The following HS3ST5 variants were observed in gnomAD, a reference collection of about 807,000 sequenced individuals.
HS3ST5 encodes the protein heparan sulfate-glucosamine 3-sulfotransferase 5, also known as heparan sulfate glucosamine 3-O-sulfotransferase 5.
HS3ST5 carries 10 observed loss-of-function variants against 25.4 expected under a neutral mutation model. The observed-to-expected ratio is 0.39, with a 90% CI of 0.24 to 0.67. The LOEUF is 0.67. Ranked by LOEUF, HS3ST5 falls within the 30% of genes least tolerant of loss-of-function variation. HS3ST5 has a pLI of 0.44. For synonymous variants in HS3ST5, 170 were observed against 162.4 expected (o/e 1.05, Z -0.36); for missense variants, 324 against 420.7 (o/e 0.77, Z 2.01).
chr6:114,306,395 A>C (rs995898832), intron 1 of HS3ST5, among the ~76,000 whole-genome samples: 1 of 150,438 alleles, frequency 6.6e-6, no homozygotes, highest in African/African-American at 2.4e-5. Flanking sequence ...TATTACATAT[A>C]TATAATCTAT....
chr6:114,297,200 A>G (rs1774860631), intron 1 of HS3ST5, among the ~76,000 whole-genome samples: 1 of 151,956 alleles, frequency 6.6e-6, no homozygotes, highest in African/African-American at 2.4e-5. Context: ...ATTACTATAT[A>G]TGAGTGTTTT....
chr6:114,293,819 G>A (rs1197092360), intron 1 of HS3ST5, among the ~76,000 whole-genome samples: 1 of 152,158 alleles, frequency 6.6e-6, no homozygotes, highest in South Asian at 2.1e-4. Context: ...AAAGAAGAAA[G>A]AGCCTCAAAC....
intron 1 of HS3ST5, among the ~76,000 whole-genome samples, chr6:114,258,798 T>G (rs1773043089): frequency 6.6e-6 from 1 of 152,206 alleles, no homozygotes. Flanking sequence ...TGATCTCTCC[T>G]ACTCATGTTG....
At chr6:114,087,564 G>T (rs952891267) in intron 3 of HS3ST5, among the ~76,000 whole-genome samples, 2 of 152,150 alleles carry the variant, frequency 1.3e-5, no homozygotes, top group Admixed American at 1.3e-4. Flanking sequence ...CTTGTTTGTG[G>T]AATTGAGTGA....
intron 1 of HS3ST5, among the ~76,000 whole-genome samples, chr6:114,303,453 T>G (rs1171665282): frequency 2.3e-5 from 3 of 128,326 alleles, no homozygotes; most frequent in Non-Finnish European, 5.1e-5. Context: ...TATATCATAC[T>G]GTGTTTGCAT....
At chr6:114,253,297 C>G (rs188253740) in intron 1 of HS3ST5, among the ~76,000 whole-genome samples, 4 of 152,062 alleles carry the variant, frequency 2.6e-5, no homozygotes, top group Admixed American at 6.6e-5. Context: ...AGATATTTTG[C>G]GTATTTGGAT....
intron 1 of HS3ST5, among the ~76,000 whole-genome samples, chr6:114,316,060 A>G (rs967938991): frequency 6.6e-6 from 1 of 152,192 alleles, no homozygotes; most frequent in African/African-American, 2.4e-5. Context: ...CTTTTCATTC[A>G]TGCTGCAATC....
At chr6:114,093,358 TGTGTG>T (rs1775239020) in intron 3 of HS3ST5, among the ~76,000 whole-genome samples, 4 of 69,066 alleles carry the variant, frequency 5.8e-5, no homozygotes, top group South Asian at 4.1e-4. Flanking sequence ...TTTGTTTGTG[TGTGTG>T]TGTGTGTGTG....
At chr6:114,330,102 G>A (rs1472031921) in intron 1 of HS3ST5, among the ~76,000 whole-genome samples, 1 of 152,074 alleles carries the variant, frequency 6.6e-6, no homozygotes, top group Admixed American at 6.5e-5. Flanking sequence ...TTCCTTTGCT[G>A]AGAAAATTTA....
intron 1 of HS3ST5, among the ~76,000 whole-genome samples, chr6:114,276,432 A>G (rs1773855876): frequency 6.6e-6 from 1 of 151,926 alleles, no homozygotes; most frequent in East Asian, 1.9e-4. Flanking sequence ...TCGTAAGTGA[A>G]TAAGTATTCA....
At chr6:114,301,284 T>C (rs1298837165) in intron 1 of HS3ST5, among the ~76,000 whole-genome samples, 59 of 152,230 alleles carry the variant, frequency 3.9e-4, no homozygotes. Flanking sequence ...TCATCTTTGT[T>C]ATTTTTCTAG....
At chr6:114,321,352 A>G (rs1382106817) in intron 1 of HS3ST5, among the ~76,000 whole-genome samples, 6 of 151,968 alleles carry the variant, frequency 3.9e-5, no homozygotes, top group African/African-American at 1.5e-4. Flanking sequence ...TTTTTTCTTC[A>G]TTAATGCCAT....
rs549136395 is a variant in HS3ST5, at chr6:114,123,136, A to C, written c.-33+45215T>G. Among the ~76,000 whole-genome samples the C allele has an allele frequency of 3.3e-5, 5 of 152,308 alleles. No individual in the cohort carries two copies. In the East Asian group the frequency reaches 7.7e-4, roughly 24 times the overall value. ...ACCGGGCTAATTTTGTATTTTTAGT[A>C]GAGACGGGGTTTCTCCATGTTGGTC... On this transcript the variant is annotated intron_variant, in intron 3 of 4. Coordinates refer to ENST00000312719, the MANE Select transcript of HS3ST5 (RefSeq NM_153612.4).
intron 3 of HS3ST5, among the ~76,000 whole-genome samples, chr6:114,067,199 A>C (rs924302031): frequency 6.6e-6 from 1 of 152,106 alleles, no homozygotes; most frequent in Non-Finnish European, 1.5e-5. Flanking sequence ...TTTAGGGGAA[A>C]AATCCCAATA....
At chr6:114,261,891 G>A (rs1224481802) in intron 1 of HS3ST5, among the ~76,000 whole-genome samples, 2 of 152,184 alleles carry the variant, frequency 1.3e-5, no homozygotes, top group African/African-American at 4.8e-5. Flanking sequence ...CAGGCATGAT[G>A]CTGAATGAGG....
intron 1 of HS3ST5, among the ~76,000 whole-genome samples, chr6:114,280,880 A>G (rs1253416182): frequency 1.3e-5 from 2 of 152,018 alleles, no homozygotes; most frequent in Non-Finnish European, 2.9e-5. Flanking sequence ...TCATCGAACT[A>G]ACATTGCAAT....
chr6:114,088,391 TTC>T (rs1485680262), intron 3 of HS3ST5, among the ~76,000 whole-genome samples: 40 of 151,580 alleles, frequency 2.6e-4, no homozygotes, highest in African/African-American at 9.7e-4. Context: ...CTGGATGATC[TTC>T]TCTTTTTTTT....
intron 2 of HS3ST5, among the ~76,000 whole-genome samples, chr6:114,219,803 C>T (rs1042775630): frequency 2.0e-5 from 3 of 151,988 alleles, no homozygotes; most frequent in African/African-American, 7.2e-5. Flanking sequence ...TGAATGGTAC[C>T]ATGTGTACTG....
At chr6:114,250,536 A>G (rs9384895) in intron 1 of HS3ST5, among the ~76,000 whole-genome samples, 24,369 of 151,252 alleles carry the variant, frequency 0.16, 2,036 homozygotes, top group Middle Eastern at 0.27. Flanking sequence ...AGCCAAGATC[A>G]CGCCACTGCA....
Sources: allele counts gnomAD v4.1 joint callset (sites outside exome capture counted in the v4.1 genomes callset), GRCh38; gene constraint gnomAD v4.1.1; transcripts MANE v1.5; gene names NCBI Gene and HGNC (gene_info 2026-07-23, HGNC 2026-07-21).